Variants in MICU1 observed in about 807,000 individuals in gnomAD.
MICU1 encodes mitochondrial calcium uptake 1, also known as calcium uptake protein 1, mitochondrial.
A neutral mutation model predicts 56.8 loss-of-function variants in MICU1; 45 were observed. That is an observed-to-expected ratio of 0.79 (90% confidence interval 0.62 to 1.02). The LOEUF is 1.02. Among genes scored for constraint, MICU1 ranks in the 50% least tolerant of loss-of-function variants. The pLI is 0.00. For synonymous variants in MICU1, 186 were observed against 195.1 expected, an observed-to-expected ratio of 0.95 and a Z score of 0.39; for missense variants, 504 against 587.1, an observed-to-expected ratio of 0.86 and a Z score of 1.46.
At chr10:72,448,189 A>T (rs1260942217) in intron 8 of MICU1, among the ~76,000 whole-genome samples, 12 of 55,324 alleles carry the variant, frequency 2.2e-4, no homozygotes, top group East Asian at 4.2e-4. Flanking sequence ...ATATATATAT[A>T]TATATTTTTT....
intron 9 of MICU1, among the ~76,000 whole-genome samples, chr10:72,419,013 C>T (rs1864073492): frequency 6.6e-6 from 1 of 152,200 alleles, no homozygotes; most frequent in South Asian, 2.1e-4. Context: ...TTTTAGAGCT[C>T]TTTTGCAAGG....
intron 1 of MICU1, among the ~76,000 whole-genome samples, chr10:72,578,593 A>G (rs761577175): frequency 3.3e-5 from 5 of 151,484 alleles, no homozygotes; most frequent in Non-Finnish European, 5.9e-5. Flanking sequence ...TAAGGCATGT[A>G]CACATTTTTT....
intron 1 of MICU1, among the ~76,000 whole-genome samples, chr10:72,592,177 TTTTTGTA>T (rs1841246191): frequency 6.6e-6 from 1 of 151,710 alleles, no homozygotes; most frequent in African/African-American, 2.4e-5. Flanking sequence ...GCCTGGCTAA[TTTTTGTA>T]TTTTTAGTGC....
intron 1 of MICU1, among the ~76,000 whole-genome samples, chr10:72,595,353 G>A (rs1396617408): frequency 3.4e-5 from 5 of 148,060 alleles, no homozygotes; most frequent in East Asian, 2.0e-4. Context: ...TCTGGAGACC[G>A]AACCAGGAGA....
At chr10:72,448,372 C>T (rs1434136839) in intron 8 of MICU1, among the ~76,000 whole-genome samples, 5 of 150,950 alleles carry the variant, frequency 3.3e-5, no homozygotes, top group African/African-American at 1.2e-4. Flanking sequence ...CAGGGTTTCA[C>T]CATGTTGGCC....
chr10:72,381,906 G>T (rs1042857779), intron 10 of MICU1, among the ~76,000 whole-genome samples: 2 of 150,410 alleles, frequency 1.3e-5, no homozygotes, highest in African/African-American at 4.9e-5. Context: ...GATTTCAGCT[G>T]ACACACCCAT....
At chr10:72,451,495 A>C (rs1865297959) in intron 8 of MICU1, among the ~76,000 whole-genome samples, 1 of 152,184 alleles carries the variant, frequency 6.6e-6, no homozygotes, top group South Asian at 2.1e-4. Flanking sequence ...ATCTACCTTC[A>C]AGAGTATCAG....
intron 9 of MICU1, 86 bp downstream of exon 9, chr10:72,423,148 T>A: frequency 1.3e-6 from 2 of 1,501,840 alleles, no homozygotes; most frequent in Non-Finnish European, 1.8e-6. Context: ...CATGAAATAC[T>A]CTCATCATTA....
At chr10:72,502,159 T>TG (rs199557207) in intron 6 of MICU1, among the ~76,000 whole-genome samples, 62,092 of 136,218 alleles carry the variant, frequency 0.46, 16,344 homozygotes, top group Non-Finnish European at 0.64. Flanking sequence ...TTTTTTTTTG[T>TG]TTTTTTTTTT....
At chr10:72,442,031 AG>A (rs563443868) in intron 8 of MICU1, among the ~76,000 whole-genome samples, 151 of 152,344 alleles carry the variant, frequency 9.9e-4, no homozygotes, top group African/African-American at 3.0e-3. Flanking sequence ...TCTAATGATT[AG>A]AATATCGAAA....
rs1005134401 is a variant in MICU1 at position 72,470,284 on chromosome 10, G to A, written c.933+4816C>T. Among the ~76,000 whole-genome samples, 7 of 152,302 alleles carry A rather than the reference G, an allele frequency of 4.6e-5. 1 individual carries two copies. The highest frequency in any genetic ancestry group is 4.6e-4 in the Admixed American group (7 of 15,290). On this transcript the variant is annotated intron_variant, in intron 8 of 11. Coordinates refer to ENST00000361114, the MANE Select transcript of MICU1 (RefSeq NM_001195518.2). ...AAAGAAGGACAAATGTAGTTGGGAA[G>A]ACACAGTACTGACTGATGAAATTTT...
At chr10:72,507,936 C>T (rs1166984982) in intron 6 of MICU1, among the ~76,000 whole-genome samples, 1 of 152,042 alleles carries the variant, frequency 6.6e-6, no homozygotes, top group African/African-American at 2.4e-5. Context: ...TTGTTTTTAA[C>T]TTTACTTTGA....
intron 11 of MICU1, among the ~76,000 whole-genome samples, chr10:72,375,000 G>A (rs962746116): frequency 2.6e-5 from 4 of 151,122 alleles, no homozygotes; most frequent in African/African-American, 7.3e-5. Context: ...TAATAGAGAC[G>A]GGGTTTCACC....
chr10:72,587,244 A>G (rs1589368611), intron 1 of MICU1, among the ~76,000 whole-genome samples: 1 of 152,290 alleles, frequency 6.6e-6, no homozygotes, highest in Middle Eastern at 3.4e-3. Context: ...AGACTGAGGT[A>G]AGAGGATTGC....
chr10:72,434,121 T>C (rs1374427466), intron 8 of MICU1, among the ~76,000 whole-genome samples: 3 of 151,966 alleles, frequency 2.0e-5, no homozygotes, highest in Non-Finnish European at 4.4e-5. Flanking sequence ...AAGTGGGAAA[T>C]AATAATTCAG....
intron 4 of MICU1, among the ~76,000 whole-genome samples, chr10:72,542,243 G>T (rs1246205673): frequency 1.3e-5 from 2 of 152,116 alleles, no homozygotes; most frequent in African/African-American, 4.8e-5. Context: ...TCACAAAGCT[G>T]CTTCTTGTGA....
chr10:72,576,413 T>C (rs1840748073), intron 1 of MICU1, among the ~76,000 whole-genome samples: 1 of 152,184 alleles, frequency 6.6e-6, no homozygotes, highest in Non-Finnish European at 1.5e-5. Flanking sequence ...TTACTGCTGA[T>C]GTGAGGCAGA....
chr10:72,411,495 T>C lies in MICU1; in HGVS notation c.1072-3458A>G, dbSNP rs1348379165. Among the ~76,000 whole-genome samples, 3 of 151,906 alleles carry C rather than the reference T, an allele frequency of 2.0e-5. No individual in the cohort carries two copies. The East Asian group carries it at 5.8e-4, about 29-fold the overall frequency. On this transcript the variant is annotated intron_variant, in intron 9 of 11. Coordinates refer to ENST00000361114, the MANE Select transcript of MICU1 (RefSeq NM_001195518.2). ...GGCGCCCACCACTGCACCCGGCTAA[T>C]TTTTTGTATTTTTTTTTAGTAGAGA... is the stretch of plus-strand genomic sequence containing the variant.
At chr10:72,579,767 G>A (rs1043309587) in intron 1 of MICU1, among the ~76,000 whole-genome samples, 9 of 151,960 alleles carry the variant, frequency 5.9e-5, no homozygotes, top group Admixed American at 2.6e-4. Flanking sequence ...TGCTTCTGAT[G>A]GCTCAGTGTA....
Sources: gnomAD v4.1 joint callset for allele counts (sites outside exome capture counted in the v4.1 genomes callset) on GRCh38, gnomAD v4.1.1 for gene constraint, MANE v1.5 for transcripts, NCBI Gene and HGNC (gene_info 2026-07-23, HGNC 2026-07-21) for gene names.